The following SLC17A3 variants were observed in gnomAD, a reference collection of about 807,000 sequenced individuals.
SLC17A3 encodes the protein sodium-dependent phosphate transport protein 4.
In SLC17A3, 61 loss-of-function variants were observed where a neutral mutation model predicts 60.3. That is an observed-to-expected ratio of 1.01 (90% CI 0.82 to 1.25). The LOEUF (loss-of-function observed/expected upper bound fraction) is 1.25. Ranked by LOEUF, SLC17A3 falls within the 50% of genes most tolerant of loss-of-function variation. The probability of loss-of-function intolerance (pLI) is 0.00; values close to 1 mark genes in which losing one functional copy is unlikely to be tolerated. For synonymous variants in SLC17A3, 192 were observed against 208.9 expected, an observed-to-expected ratio of 0.92 and a Z score of 0.70; for missense variants, 624 against 594.9, an observed-to-expected ratio of 1.05 and a Z score of -0.51.
At chr6:25,853,158 T>C (rs761037107) in intron 6 of SLC17A3, among the ~76,000 whole-genome samples, 4 of 152,136 alleles carry the variant, frequency 2.6e-5, no homozygotes, top group Non-Finnish European at 5.9e-5. Flanking sequence ...TGATTTTCTG[T>C]GAGTGTAGGC....
chr6:25,848,481 T>C (rs537657278), intron 11 of SLC17A3, among the ~76,000 whole-genome samples: 129 of 152,252 alleles, frequency 8.5e-4, no homozygotes, highest in Middle Eastern at 6.8e-3. Flanking sequence ...TCACATGTTT[T>C]TTGGACATTT....
intron 1 of SLC17A3, among the ~76,000 whole-genome samples, chr6:25,873,525 C>T (rs1269896728): frequency 6.6e-6 from 1 of 151,998 alleles, no homozygotes; most frequent in Non-Finnish European, 1.5e-5. Context: ...TCCCTGATTC[C>T]CTCCTTCCCA....
rs753816766 is a variant in SLC17A3 at position 25,845,389 on chromosome 6, CGAGT to C, written c.1486_1489del (p.Thr496ValfsTer54). ...AATCACTATCCTTTACCTTCATAAA[CGAGT>C]GAGTTTTCTCTCTTTAGCCCATTCT... On this transcript the variant is annotated frameshift_variant, in exon 12 of 13. Transcript: ENST00000397060. LOFTEE classifies it high-confidence loss of function. 2 of 1,613,778 alleles carry C rather than the reference CGAGT, an allele frequency of 1.2e-6. No homozygotes were observed. Among genetic ancestry groups the C allele is most frequent in the Non-Finnish European group, 1.7e-6 (2 of 1,179,880 alleles).
At chr6:25,856,505 C>T (rs1354563187) in intron 5 of SLC17A3, among the ~76,000 whole-genome samples, 1 of 152,212 alleles carries the variant, frequency 6.6e-6, no homozygotes, top group Admixed American at 6.5e-5. Flanking sequence ...TCCCAAAGCA[C>T]TGGATTACAG....
At position 25,862,248 on chromosome 6, in the gene SLC17A3, CT is replaced by C; in HGVS notation, c.287del (p.Lys96ArgfsTer30). 1 of 1,613,334 alleles carries C rather than the reference CT, an allele frequency of 6.2e-7. No individual in the cohort carries two copies. Among genetic ancestry groups the C allele is most frequent in the Non-Finnish European group, 8.5e-7 (1 of 1,179,396 alleles). On this transcript the variant is annotated frameshift_variant, in exon 3 of 13. Coordinates refer to ENST00000397060, the MANE Select transcript of SLC17A3 (RefSeq NM_001098486.2). LOFTEE classifies it high-confidence loss of function. ...TGTTGCTTACCTTTGCAGGAAGACT[CT>C]TTGGGGCTTTACTTAGGCCACCAAA... ...DSFGGLSKAP[K>X]SLPAKAPVYD...
At chr6:25,854,426 T>A (rs1442423678) in intron 6 of SLC17A3, among the ~76,000 whole-genome samples, 1 of 152,196 alleles carries the variant, frequency 6.6e-6, no homozygotes, top group South Asian at 2.1e-4. Flanking sequence ...CCCCCAGTTT[T>A]CTCTTGATTA....
Position 25,870,937 on chromosome 6 carries a change from G to A in SLC17A3, c.-33-2517C>T, listed in dbSNP as rs115522688. The stretch of plus-strand genomic sequence containing the variant: ...TCAAAATGTTGTCTCTTAACAATTG[G>A]GTCTGAGTTCAGAAATGATGTCCAC... On this transcript the variant is annotated intron_variant, in intron 1 of 12. Coordinates refer to ENST00000397060, the MANE Select transcript of SLC17A3 (RefSeq NM_001098486.2). Among the ~76,000 whole-genome samples, 754 of 152,062 alleles carry A rather than the reference G, an allele frequency of 5.0e-3. 5 individuals carry two copies. Among genetic ancestry groups the A allele is most frequent in the Non-Finnish European group, 7.6e-3 (514 of 67,918 alleles).
rs541149716 is a variant in SLC17A3 at position 25,850,877 on chromosome 6, C to T, written c.713G>A (p.Gly238Glu). 88 of 1,612,712 alleles carry T rather than the reference C, an allele frequency of 5.5e-5. 1 individual carries two copies. In the South Asian group the frequency reaches 8.9e-4, roughly 16 times the overall value. Residue 238 changes from glycine (G) to glutamate (E), a missense_variant and splice_region_variant, in exon 7 of 13, where the codon GGA (glycine) becomes GAA (glutamate). Transcript: ENST00000397060. ...LGWPFVFYIF[G>E]GVGCVCCLLW... Reference sequence around the variant, plus strand: ...AAGGCAGCAGACACAGCCAACACCTCCTGTAAGCACAGGGTAAATTTGGTA... The same window carrying T: ...AAGGCAGCAGACACAGCCAACACCTTCTGTAAGCACAGGGTAAATTTGGTA...
At chr6:25,857,840 G>T (rs946000981) in intron 5 of SLC17A3, among the ~76,000 whole-genome samples, 3 of 152,054 alleles carry the variant, frequency 2.0e-5, no homozygotes. Context: ...TGGGGGACAG[G>T]TTCCTGCATT....
intron 5 of SLC17A3, among the ~76,000 whole-genome samples, chr6:25,855,809 A>G (rs1423347416): frequency 6.6e-6 from 1 of 152,188 alleles, no homozygotes; most frequent in East Asian, 1.9e-4. Context: ...TACTTTTTCA[A>G]TCATTTCTAG....
chr6:25,861,482 G>C, intron 5 of SLC17A3, 142 bp downstream of exon 5: 1 of 748,730 alleles, frequency 1.3e-6, no homozygotes, highest in Non-Finnish European at 2.3e-6. Flanking sequence ...TCATGTCATA[G>C]ACAAAGGACC....
intron 1 of SLC17A3, among the ~76,000 whole-genome samples, chr6:25,871,608 G>T (rs949257094): frequency 6.6e-6 from 1 of 151,760 alleles, no homozygotes; most frequent in African/African-American, 2.4e-5. Flanking sequence ...TGCACATTGT[G>T]CACATGTACC....
rs1765232569 is a variant in SLC17A3, at chr6:25,849,422, G to A, written c.1314C>T (p.Ser438=). ...CAGTGGGTACAATGACAGGTGCTAT[G>A]CTCGAAAATCCTCTTGATGCTCCCA... The part of the protein sequence containing the change: ...FLMGASRGFS[S]IAPVIVPTVS... The change falls in exon 11 of 13, where the codon AGC becomes AGT. Residue 438 remains serine (S), a synonymous_variant. Coordinates refer to ENST00000397060, the MANE Select transcript of SLC17A3 (RefSeq NM_001098486.2). The A allele has an allele frequency of 6.2e-7, 1 of 1,612,942 alleles. No individual in the cohort carries two copies. Among genetic ancestry groups the A allele is most frequent in the African/African-American group, 1.3e-5 (1 of 74,872 alleles).
At chr6:25,869,151 T>C (rs1428837450) in intron 1 of SLC17A3, among the ~76,000 whole-genome samples, 1 of 151,988 alleles carries the variant, frequency 6.6e-6, no homozygotes, top group Non-Finnish European at 1.5e-5. Flanking sequence ...TTGTGACCTT[T>C]TTGCATATAA....
chr6:25,858,722 G>T (rs566528297), intron 5 of SLC17A3, among the ~76,000 whole-genome samples: 3 of 152,032 alleles, frequency 2.0e-5, no homozygotes, highest in African/African-American at 7.2e-5. Context: ...TTCTCATGTC[G>T]CTACCAAATT....
In SLC17A3 at chr6:25,862,229, T is replaced by C; in HGVS notation, c.303+4A>G. On this transcript the variant is annotated splice_donor_region_variant and intron_variant, in intron 3 of 12. Transcript: ENST00000397060. ...AGCACAAATTTATATCTTATGTTGCTTACCTTTGCAGGAAGACTCTTTGGG... is the reference window on the plus strand; with the variant it reads ...AGCACAAATTTATATCTTATGTTGCCTACCTTTGCAGGAAGACTCTTTGGG... 1 of 1,608,502 alleles carries C rather than the reference T, an allele frequency of 6.2e-7. No individual in the cohort carries two copies. Among genetic ancestry groups the C allele is most frequent in the Non-Finnish European group, 8.5e-7 (1 of 1,175,034 alleles).
Position 25,845,462 on chromosome 6 carries a change from A to G in SLC17A3, c.1417T>C (p.Leu473=). 1 of 1,614,072 alleles carries G rather than the reference A, an allele frequency of 6.2e-7. No homozygotes were observed. Among genetic ancestry groups the G allele is most frequent in the Non-Finnish European group, 8.5e-7 (1 of 1,179,962 alleles). Residue 473 remains leucine, a synonymous_variant, in exon 12 of 13, where the codon TTA becomes CTA. Transcript: ENST00000397060. ...AATATGAGGTAGAAGAGTAGTCCTA[A>G]CAGGTTAACGGCAAACAGCAAGAAG... ...VFFLLFAVNL[L]GLLFYLIFGE... is the part of the protein sequence containing the mutation.
At chr6:25,849,512 G>T in intron 10 of SLC17A3, 48 bp from the exon 11 acceptor site, 1 of 1,126,488 alleles carries the variant, frequency 8.9e-7, no homozygotes, top group Non-Finnish European at 1.4e-6. Context: ...ATGTTTGACA[G>T]TATCCTTCAG....
chr6:25,864,332 A>G (rs1238788969), intron 2 of SLC17A3, among the ~76,000 whole-genome samples: 2 of 151,954 alleles, frequency 1.3e-5, no homozygotes, highest in African/African-American at 4.8e-5. Context: ...GGGACATGAT[A>G]TGACTTACAT....
Sources: gnomAD v4.1 joint callset for allele counts (sites outside exome capture counted in the v4.1 genomes callset) on GRCh38, gnomAD v4.1.1 for gene constraint, MANE v1.5 for transcripts, NCBI Gene and HGNC (gene_info 2026-07-23, HGNC 2026-07-21) for gene names.